The following PIEZO1 variants were observed in gnomAD, a reference collection of about 807,000 sequenced individuals.
The protein encoded by PIEZO1 is piezo-type mechanosensitive ion channel component 1.
Under a neutral mutation model 297.2 loss-of-function variants are expected in PIEZO1, and 296 were observed. The observed-to-expected ratio is 1.00, with a 90% CI of 0.91 to 1.10. The LOEUF (loss-of-function observed/expected upper bound fraction) is 1.10, where lower values mean the gene tolerates loss of function less well. Ranked by LOEUF, PIEZO1 falls within the 50% of genes least tolerant of loss-of-function variation. The pLI, the probability that PIEZO1 is intolerant of heterozygous loss-of-function variation, is 0.00. For missense variants in PIEZO1, 5,018 were observed against 3,455.5 expected (o/e 1.45, Z -11.34); for synonymous variants, 2,427 against 1,507.5 (o/e 1.61, Z -14.13).
At position 88,727,558 on chromosome 16, in the gene PIEZO1, G is replaced by C; in HGVS notation, c.3300C>G (p.Ile1100Met). Residue 1100 changes from isoleucine to methionine, a missense_variant and splice_region_variant, in exon 23 of 51, where the codon ATC becomes ATG. Physicochemically the swap from Ile to Met is conservative, Grantham distance 10 (BLOSUM62 1). Transcript: ENST00000301015. ...GCGGGGGTGGTGGGGGGCACTCACTGATGAGGTTGGTGGAGTTGGGGGCCC... is the reference window on the plus strand; with the variant it reads ...GCGGGGGTGGTGGGGGGCACTCACTCATGAGGTTGGTGGAGTTGGGGGCCC... ...FFRAPNSTNLISDFLLLLCAS... is the reference protein window; with the variant it reads ...FFRAPNSTNLMSDFLLLLCAS... The C allele has an allele frequency of 1.4e-6, 2 of 1,396,586 alleles. No individual in the cohort carries two copies. The highest frequency in any genetic ancestry group is 2.0e-6 in the Non-Finnish European group (2 of 1,019,914). The allele number at this position is 1,396,586 out of a possible 1,614,324, so 86.5% of individuals were successfully genotyped here. A position where few individuals can be genotyped will look rare whatever the true frequency, so the allele number is the denominator to read the frequency against.
Position 88,725,606 on chromosome 16 carries a change from C to G in PIEZO1, c.4047G>C (p.Gln1349His), listed in dbSNP as rs1441600443. 2 of 1,548,636 alleles carry G rather than the reference C, an allele frequency of 1.3e-6. No individual in the cohort carries two copies. Among genetic ancestry groups the G allele is most frequent in the African/African-American group, 1.4e-5 (1 of 72,986 alleles). Reference protein sequence around the residue: ...HRRIEEKSLAQLKRQMERIRA... With the variant: ...HRRIEEKSLAHLKRQMERIRA... ...CCAGAGGCACCTACTGTCTTTTCAG[C>G]TGGGCCAGGGACTTCTCCTCTATCC... Residue 1349 changes from glutamine to histidine, a missense_variant, in exon 28 of 51, where the codon CAG becomes CAC. Physicochemically the swap from Gln to His is conservative, Grantham distance 24. Coordinates refer to ENST00000301015, the MANE Select transcript of PIEZO1 (RefSeq NM_001142864.4).
In PIEZO1 at chr16:88,720,846, C is replaced by T. The variant is rs997607826; in HGVS notation, c.5669-98G>A. The T allele has an allele frequency of 5.4e-6, 7 of 1,301,970 alleles. No homozygotes were observed. In the Admixed American group the frequency reaches 8.8e-5, roughly 16 times the overall value. 80.7% of individuals were successfully genotyped at this position (1,301,970 alleles called of 1,614,324 possible). ...AGAGGCTGGCATTCTCCCTGTTTGA[C>T]AGACAAGCAGACGGAGCACAGGAAA... is the stretch of plus-strand genomic sequence containing the variant. On this transcript the variant is annotated intron_variant, in intron 39 of 50. Coordinates refer to ENST00000301015, the MANE Select transcript of PIEZO1 (RefSeq NM_001142864.4).
intron 2 of PIEZO1, among the ~76,000 whole-genome samples, chr16:88,747,063 A>G (rs554287894): frequency 6.6e-6 from 1 of 152,194 alleles, no homozygotes; most frequent in East Asian, 1.9e-4. Flanking sequence ...AATTCTACCC[A>G]TGATCCAAGA....
Position 88,715,761 on chromosome 16 carries a change from C to G in PIEZO1, c.7410G>C (p.Glu2470Asp). The G allele has an allele frequency of 6.4e-7, 1 of 1,550,442 alleles. No individual in the cohort carries two copies. Among genetic ancestry groups the G allele is most frequent in the Non-Finnish European group, 8.7e-7 (1 of 1,146,972 alleles). The change falls in exon 51 of 51, where the codon GAG becomes GAC. Residue 2470 changes from glutamate to aspartate, a missense_variant. Glu to Asp is a conservative substitution (Grantham distance 45). Coordinates refer to ENST00000301015, the MANE Select transcript of PIEZO1 (RefSeq NM_001142864.4). ...TGAGGATGCGGTCCACGCACGGCAG[C>G]TCCTCGAACATAATGGAGTGCGAGA... ...SEISHSIMFE[E>D]LPCVDRILKL...
rs986714668 is a variant in PIEZO1, at chr16:88,721,715, G to A, written c.5226C>T (p.Val1742=). ...TAIVFTEIAV[V]VKYLFQFGFF... is the part of the protein sequence containing the mutation. ...ACCCAAACTGGAACAGGTACTTGACGACCACCGCGATCTGTGGGGGAGGGG... is the reference window on the plus strand; with the variant it reads ...ACCCAAACTGGAACAGGTACTTGACAACCACCGCGATCTGTGGGGGAGGGG... The change falls in exon 38 of 51, where the codon GTC becomes GTT. Residue 1742 remains valine, a synonymous_variant. Transcript: ENST00000301015. The A allele has an allele frequency of 5.8e-6, 9 of 1,542,896 alleles. No individual in the cohort carries two copies. The highest frequency in any genetic ancestry group is 1.2e-5 in the South Asian group (1 of 83,666).
chr16:88,725,965 C>G (rs1179365475), intron 27 of PIEZO1: 2 of 567,534 alleles, frequency 3.5e-6, no homozygotes, highest in Admixed American at 3.2e-5. Context: ...GAACCCCTCC[C>G]TGGGGCAGTC....
At position 88,722,795 on chromosome 16, in the gene PIEZO1, T is replaced by C. The variant is rs556227004; in HGVS notation, c.4668+42A>G. On this transcript the variant is annotated intron_variant, in intron 34 of 50. Transcript: ENST00000301015. The stretch of plus-strand genomic sequence containing the variant: ...GGCTGTTAAGCAGGCAGGGGCGTAG[T>C]CAGGCAGAGCAGGGACGAGCGTGGT... 18 of 1,535,242 alleles carry C rather than the reference T, an allele frequency of 1.2e-5. No individual in the cohort carries two copies. The African/African-American group carries it at 2.2e-4, about 19-fold the overall frequency.
intron 21 of PIEZO1, 51 bp from the exon 22 acceptor site, chr16:88,731,961 G>GGCGGGGCGT (rs1555555069): frequency 7.0e-6 from 2 of 285,712 alleles, no homozygotes; most frequent in East Asian, 7.9e-5. Flanking sequence ...CTGGGGGGAG[G>GGCGGGGCGT]GACTTTCTTG....
At chr16:88,745,184 G>A (rs1206704962) in intron 2 of PIEZO1, 2 of 151,962 alleles carry the variant, frequency 1.3e-5, no homozygotes, top group Non-Finnish European at 2.9e-5. Context: ...AGGAGCCCAG[G>A]AGACCCAGTG....
chr16:88,784,907 G>A lies in PIEZO1; in HGVS notation c.58C>T (p.Leu20=). 2 of 1,435,510 alleles carry A rather than the reference G, an allele frequency of 1.4e-6. No individual in the cohort carries two copies. The highest frequency in any genetic ancestry group is 1.3e-5 in the South Asian group (1 of 77,004). 88.9% of individuals were successfully genotyped at this position (1,435,510 alleles called of 1,614,324 possible). A position where few individuals can be genotyped will look rare whatever the true frequency, so the allele number is the denominator to read the frequency against. The change falls in exon 1 of 51, where the codon CTG becomes TTG. Residue 20 remains leucine (L), a synonymous_variant. Transcript: ENST00000301015. The stretch of plus-strand genomic sequence containing the variant: ...GCGCCCGCCCCCCACTCACCAGCCA[G>A]CAGCGCGCAGGGCAGCAGCAGCCAG... ...LYWLLLPCAL[L]AACLLRFSGL... is the part of the protein sequence containing the mutation.
Position 88,736,713 on chromosome 16 carries a change from C to G in PIEZO1, c.1222G>C (p.Glu408Gln), listed in dbSNP as rs1417551082. The change falls in exon 11 of 51, where the codon GAG becomes CAG. Residue 408 changes from glutamate (E) to glutamine (Q), a missense_variant. Glu to Gln is a conservative substitution (Grantham distance 29). Coordinates refer to ENST00000301015, the MANE Select transcript of PIEZO1 (RefSeq NM_001142864.4). ...PVRPKRAEPR[E>Q]ASPLHSLGHL... ...CCCAGGCTGTGGAGCGGAGACGCCT[C>G]CCTGGGCTCAGCCCGCTTGGGCCGC... 6.5e-7 allele frequency: 1 copy of G among 1,532,566 alleles called. No homozygotes were observed. Among genetic ancestry groups the G allele is most frequent in the East Asian group, 2.4e-5 (1 of 40,818 alleles). 94.9% of individuals were successfully genotyped at this position (1,532,566 alleles called of 1,614,324 possible).
chr16:88,731,233 A>T (rs149035688), intron 22 of PIEZO1: 1,792 of 170,262 alleles, frequency 0.011, 16 homozygotes, highest in South Asian at 0.016. Context: ...GGCCACAAAG[A>T]AGGGTGCTGA....
chr16:88,733,343 C>T lies in PIEZO1; in HGVS notation c.2599G>A (p.Val867Met), dbSNP rs947479767. Reference sequence around the variant, plus strand: ...TTGAGCTGGTACAGCATCTTACACACGATGATGACGCAGGTCCACACGGTG... The same window carrying T: ...TTGAGCTGGTACAGCATCTTACACATGATGATGACGCAGGTCCACACGGTG... ...LSTVWTCVII[V>M]CKMLYQLKVV... Residue 867 changes from valine to methionine, a missense_variant, in exon 19 of 51, where the codon GTG becomes ATG. Coordinates refer to ENST00000301015, the MANE Select transcript of PIEZO1 (RefSeq NM_001142864.4). 19 of 1,550,186 alleles carry T rather than the reference C, an allele frequency of 1.2e-5. No individual in the cohort carries two copies. The highest frequency in any genetic ancestry group is 2.4e-5 in the South Asian group (2 of 84,070).
At position 88,722,127 on chromosome 16, in the gene PIEZO1, T is replaced by C. The variant is rs78759106; in HGVS notation, c.4956-61A>G. On this transcript the variant is annotated intron_variant, in intron 36 of 50. Coordinates refer to ENST00000301015, the MANE Select transcript of PIEZO1 (RefSeq NM_001142864.4). ...ACTGCCCGAAGGCATGACGGCCCGA[T>C]CTGTTGCCGGTCACAGTCAGTCTCC... 195,723 of 1,523,132 alleles carry C rather than the reference T, an allele frequency of 0.13. 14,292 individuals are homozygous for C. The highest frequency in any genetic ancestry group is 0.15 in the Non-Finnish European group (170,211 of 1,133,684). The allele number at this position is 1,523,132 out of a possible 1,614,324, so 94.4% of individuals were successfully genotyped here.
At chr16:88,781,628 C>A (rs1453044596) in intron 1 of PIEZO1, among the ~76,000 whole-genome samples, 2 of 152,270 alleles carry the variant, frequency 1.3e-5, no homozygotes, top group African/African-American at 4.8e-5. Context: ...CACGGCCATG[C>A]TCTTCCCAGC....
intron 2 of PIEZO1, among the ~76,000 whole-genome samples, chr16:88,748,123 G>C (rs930325587): frequency 4.3e-4 from 66 of 152,308 alleles, no homozygotes; most frequent in African/African-American, 1.5e-3. Context: ...TGCTGGGGAA[G>C]GTCTCTTGCT....
rs572559464 is a variant in PIEZO1, at chr16:88,722,952, C to G, written c.4553G>C (p.Gly1518Ala). 4.5e-6 allele frequency: 7 copies of G among 1,549,332 alleles called. No homozygotes were observed. The South Asian group carries it at 7.1e-5, about 16-fold the overall frequency. ...TGTCAGCTCATCCACTAGCGCCTGC[C>G]CCAGCATCCACAGGAACTGCGCCGT... Reference protein sequence around the residue: ...LSTAQFLWMLGQALVDELTRW... With the variant: ...LSTAQFLWMLAQALVDELTRW... Residue 1518 changes from glycine (G) to alanine (A), a missense_variant, in exon 34 of 51, where the codon GGG (glycine) becomes GCG (alanine). Coordinates refer to ENST00000301015, the MANE Select transcript of PIEZO1 (RefSeq NM_001142864.4).
In PIEZO1 at chr16:88,716,357, TCACA is replaced by T; in HGVS notation, c.7049_7049+3del. On this transcript the variant is annotated splice_donor_variant and splice_donor_region_variant and coding_sequence_variant and intron_variant, in exon 48 of 51. Coordinates refer to ENST00000301015, the MANE Select transcript of PIEZO1 (RefSeq NM_001142864.4). LOFTEE classifies it high-confidence loss of function. Reference sequence around the variant, plus strand: ...CCTGCCCACCACCCGGGCCCTTCACTCACACAGACTGGTCCGAGGTGCCCTCGAG... The same window carrying T: ...CCTGCCCACCACCCGGGCCCTTCACTCAGACTGGTCCGAGGTGCCCTCGAG... 6.5e-7 allele frequency: 1 copy of T among 1,528,892 alleles called. No individual in the cohort carries two copies. 94.7% of individuals were successfully genotyped at this position (1,528,892 alleles called of 1,614,324 possible).
intron 1 of PIEZO1, among the ~76,000 whole-genome samples, chr16:88,781,486 G>C (rs556584): frequency 0.93 from 141,376 of 152,330 alleles, 65,653 homozygotes; most frequent in East Asian, 1. Flanking sequence ...GCAGGCCCCA[G>C]GCTCTCCTGC....
Sources: allele counts gnomAD v4.1 joint callset (sites outside exome capture counted in the v4.1 genomes callset), GRCh38; gene constraint gnomAD v4.1.1; transcripts MANE v1.5; gene names NCBI Gene and HGNC (gene_info 2026-07-23, HGNC 2026-07-21).